The following CRLF2 variants were observed in gnomAD, a reference collection of about 807,000 sequenced individuals.
CRLF2 encodes the protein cytokine receptor like factor 2.
In CRLF2, 41 loss-of-function variants were observed where a neutral mutation model predicts 38.7. That is an observed-to-expected ratio of 1.06 (90% CI 0.83 to 1.37). CRLF2 has a LOEUF of 1.37. Among genes scored for constraint, CRLF2 ranks in the 40% most tolerant of loss-of-function variants. The pLI is 0.00. For missense variants in CRLF2, 377 were observed against 322.2 expected (o/e 1.17, Z -1.30); for synonymous variants, 140 against 128.8 (o/e 1.09, Z -0.59).
intron 1 of CRLF2, among the ~76,000 whole-genome samples, chrX:1,211,166 TG>T (rs779016195): frequency 0.057 from 7,059 of 123,512 alleles, 209 homozygotes; most frequent in African/African-American, 0.079. Flanking sequence ...GATACATAGG[TG>T]AATGGATGGA....
intron 6 of CRLF2, among the ~76,000 whole-genome samples, chrX:1,194,983 G>T (rs1321784345): frequency 6.6e-6 from 1 of 152,072 alleles, no homozygotes; most frequent in Non-Finnish European, 1.5e-5. Context: ...AGTGAGCCGA[G>T]ATCATGCCAC....
rs1464524724 is a variant in CRLF2, at chrX:1,190,796, G to C, written c.*101C>G. 5.0e-6 allele frequency: 2 copies of C among 398,518 alleles called. No homozygotes were observed. Among genetic ancestry groups the C allele is most frequent in the Non-Finnish European group, 8.8e-6 (2 of 226,088 alleles). The allele number at this position is 398,518 out of a possible 1,614,324, so 24.7% of individuals were successfully genotyped here. A position where few individuals can be genotyped will look rare whatever the true frequency, so the allele number is the denominator to read the frequency against. On this transcript the variant is annotated 3_prime_UTR_variant, in exon 8 of 8. Transcript: ENST00000400841. ...TCCTAGTCCTACCATCATTGGCGTG[G>C]AGACTTCCCATCCATGGTGGTGTGG...
intron 3 of CRLF2, among the ~76,000 whole-genome samples, chrX:1,204,980 G>C (rs189702557): frequency 1.0e-4 from 15 of 150,532 alleles, no homozygotes; most frequent in African/African-American, 3.7e-4. Flanking sequence ...CCACCAGCCC[G>C]GCTAATTTTT....
At position 1,198,736 on chromosome X, in the gene CRLF2, TAC is replaced by T. The variant is rs371174830; in HGVS notation, c.484-14_484-13del. ...TTTTCCTGTTTGGACTGGAGAAACA[TAC>T]ACACACACACACACACACACACACA... On this transcript the variant is annotated splice_polypyrimidine_tract_variant and intron_variant, in intron 4 of 7. Coordinates refer to ENST00000400841, the MANE Select transcript of CRLF2 (RefSeq NM_022148.4). 0.073 allele frequency: 58,411 copies of T among 795,468 alleles called. 4,453 individuals carry two copies. The highest frequency in any genetic ancestry group is 0.29 in the African/African-American group (14,832 of 51,568). The allele number at this position is 795,468 out of a possible 1,614,324, so 49.3% of individuals were successfully genotyped here. A position where few individuals can be genotyped will look rare whatever the true frequency, so the allele number is the denominator to read the frequency against.
At chrX:1,203,917 A>AG (rs1314008660) in intron 3 of CRLF2, among the ~76,000 whole-genome samples, 7 of 152,160 alleles carry the variant, frequency 4.6e-5, no homozygotes, top group African/African-American at 1.7e-4. Flanking sequence ...CCTCTAAAAA[A>AG]TAAAAAAGTA....
chrX:1,197,551 C>G (rs1439784974), intron 5 of CRLF2, among the ~76,000 whole-genome samples: 1 of 152,032 alleles, frequency 6.6e-6, no homozygotes, highest in Non-Finnish European at 1.5e-5. Flanking sequence ...CGCGGTGGCT[C>G]ACGCCTTTAA....
intron 6 of CRLF2, among the ~76,000 whole-genome samples, chrX:1,194,149 G>T (rs1285545762): frequency 5.9e-5 from 9 of 151,796 alleles, no homozygotes; most frequent in Non-Finnish European, 8.8e-5. Flanking sequence ...AATTAGCTGG[G>T]TGTGGTGGCG....
intron 3 of CRLF2, 104 bp from the exon 4 acceptor site, chrX:1,202,639 A>C: frequency 3.3e-6 from 4 of 1,222,534 alleles, no homozygotes; most frequent in Non-Finnish European, 4.5e-6. Context: ...TCCCCTTAAT[A>C]CCTTATGGTG....
rs1366148426 is a variant in CRLF2 at position 1,198,740 on chromosome X, C to CATACAT, written c.484-17_484-16insATGTAT. 3 of 768,896 alleles carry CATACAT rather than the reference C, an allele frequency of 3.9e-6. No homozygotes were observed. Among genetic ancestry groups the CATACAT allele is most frequent in the Non-Finnish European group, 2.0e-6 (1 of 493,218 alleles). The allele number at this position is 768,896 out of a possible 1,614,324, so 47.6% of individuals were successfully genotyped here. The stretch of plus-strand genomic sequence containing the variant: ...CCTGTTTGGACTGGAGAAACATACA[C>CATACAT]ACACACACACACACACACACACACA... On this transcript the variant is annotated splice_polypyrimidine_tract_variant and intron_variant, in intron 4 of 7. Transcript: ENST00000400841.
chrX:1,197,693 A>C lies in CRLF2; in HGVS notation c.647-793T>G, dbSNP rs1274801809. On this transcript the variant is annotated intron_variant, in intron 5 of 7. Coordinates refer to ENST00000400841, the MANE Select transcript of CRLF2 (RefSeq NM_022148.4). ...GGCGGGCTTGGTGGTGCGTGCCTGT[A>C]GTCCCAGCTACTTGGGAGGCTGAGG... is the stretch of plus-strand genomic sequence containing the variant. 1.3e-4 allele frequency among the ~76,000 whole-genome samples: 20 copies of C among 152,080 alleles called. No homozygotes were observed. The South Asian group carries it at 3.5e-3, about 27-fold the overall frequency.
At chrX:1,212,492 GTGCC>G (rs1216771443) in intron 1 of CRLF2, 60 bp downstream of exon 1, 32 of 1,034,446 alleles carry the variant, frequency 3.1e-5, no homozygotes, top group Non-Finnish European at 4.1e-5. Context: ...AAAATAAAGA[GTGCC>G]TGGTTGCAAA....
At chrX:1,205,934 C>T (rs1280293093) in intron 3 of CRLF2, among the ~76,000 whole-genome samples, 1 of 151,664 alleles carries the variant, frequency 6.6e-6, no homozygotes, top group Non-Finnish European at 1.5e-5. Context: ...CGGTAATTTG[C>T]ATGAGCTTTT....
At chrX:1,205,189 T>G (rs1484761091) in intron 3 of CRLF2, among the ~76,000 whole-genome samples, 1 of 152,202 alleles carries the variant, frequency 6.6e-6, no homozygotes, top group Non-Finnish European at 1.5e-5. Context: ...TGGGGGCAGA[T>G]TCAATCCCCA....
At position 1,190,839 on chromosome X, in the gene CRLF2, C is replaced by T. The variant is rs1215281269; in HGVS notation, c.*58G>A. ...TGGTGTGGAGTCCCCGGGACAGTCC[C>T]CTCTGTCTTTAAATGTCAACGTGGA... On this transcript the variant is annotated 3_prime_UTR_variant, in exon 8 of 8. Transcript: ENST00000400841. The T allele has an allele frequency of 1.1e-3, 422 of 398,672 alleles. 4 individuals carry two copies. Among genetic ancestry groups the T allele is most frequent in the African/African-American group, 7.7e-3 (376 of 48,766 alleles). 24.7% of individuals were successfully genotyped at this position (398,672 alleles called of 1,614,324 possible). A position where few individuals can be genotyped will look rare whatever the true frequency, so the allele number is the denominator to read the frequency against.
chrX:1,196,027 T>C (rs2147825674), intron 6 of CRLF2, among the ~76,000 whole-genome samples: 1 of 142,962 alleles, frequency 7.0e-6, no homozygotes, highest in South Asian at 2.1e-4. Context: ...TATAAATATA[T>C]ATAATTATAC....
At chrX:1,205,212 G>A (rs1360870349) in intron 3 of CRLF2, among the ~76,000 whole-genome samples, 1 of 151,940 alleles carries the variant, frequency 6.6e-6, no homozygotes, top group African/African-American at 2.4e-5. Flanking sequence ...CAGTGTGCGT[G>A]TAAGAGGGAA....
intron 1 of CRLF2, among the ~76,000 whole-genome samples, chrX:1,210,265 T>A (rs2086774425): frequency 6.6e-6 from 1 of 152,048 alleles, no homozygotes; most frequent in African/African-American, 2.4e-5. Context: ...AATGGAAATA[T>A]TTTAGAATTG....
chrX:1,201,526 G>T (rs1473270254), intron 4 of CRLF2, among the ~76,000 whole-genome samples: 2 of 146,038 alleles, frequency 1.4e-5, no homozygotes, highest in African/African-American at 5.3e-5. Context: ...CGATGAGAGA[G>T]AGATAGATGA....
chrX:1,201,683 GTAGA>G (rs1254955658), intron 4 of CRLF2, among the ~76,000 whole-genome samples: 7 of 150,720 alleles, frequency 4.6e-5, no homozygotes, highest in Admixed American at 6.7e-5. Flanking sequence ...ATGATACAGA[GTAGA>G]TAGATAGATG....
Sources: gnomAD v4.1 joint callset for allele counts (sites outside exome capture counted in the v4.1 genomes callset) on GRCh38, gnomAD v4.1.1 for gene constraint, MANE v1.5 for transcripts, NCBI Gene and HGNC (gene_info 2026-07-23, HGNC 2026-07-21) for gene names.